Variants in FHIT observed in about 807,000 individuals in gnomAD.
FHIT encodes the protein fragile histidine triad diadenosine triphosphatase.
Under a neutral mutation model 17.9 loss-of-function variants are expected in FHIT, and 19 were observed. The observed-to-expected ratio is 1.06, with a 90% CI of 0.74 to 1.56. The LOEUF (loss-of-function observed/expected upper bound fraction) is 1.56. Ranked by LOEUF, FHIT falls within the 40% of genes most tolerant of loss-of-function variation. FHIT has a pLI of 0.00. For synonymous variants in FHIT, 81 were observed against 69.7 expected, an observed-to-expected ratio of 1.16 and a Z score of -0.81; for missense variants, 248 against 189.2, an observed-to-expected ratio of 1.31 and a Z score of -1.82.
intron 4 of FHIT, among the ~76,000 whole-genome samples, chr3:60,679,267 T>G (rs1337484755): frequency 2.0e-5 from 3 of 152,112 alleles, no homozygotes; most frequent in Non-Finnish European, 4.4e-5. Context: ...CAAAACAACT[T>G]CAATCCTTAA....
intron 5 of FHIT, among the ~76,000 whole-genome samples, chr3:60,160,081 G>C (rs1399364698): frequency 1.3e-5 from 2 of 152,066 alleles, no homozygotes; most frequent in African/African-American, 4.8e-5. Context: ...AGTCTGTGCT[G>C]CATGACTCAA....
chr3:60,185,643 T>C (rs1298641107), intron 5 of FHIT, among the ~76,000 whole-genome samples: 1 of 152,216 alleles, frequency 6.6e-6, no homozygotes, highest in African/African-American at 2.4e-5. Context: ...CCTAGGTATA[T>C]GACTGCTGGA....
intron 5 of FHIT, among the ~76,000 whole-genome samples, chr3:60,117,410 T>G (rs1039480248): frequency 6.6e-6 from 1 of 151,672 alleles, no homozygotes; most frequent in African/African-American, 2.4e-5. Flanking sequence ...TTTTTTATTT[T>G]TATTACAGCT....
chr3:60,061,214 A>G (rs1032994839), intron 5 of FHIT, among the ~76,000 whole-genome samples: 1 of 152,232 alleles, frequency 6.6e-6, no homozygotes, highest in Non-Finnish European at 1.5e-5. Flanking sequence ...GGTTTAAGAG[A>G]GCAGATCCAT....
intron 5 of FHIT, among the ~76,000 whole-genome samples, chr3:60,338,339 A>G (rs1301238727): frequency 6.6e-6 from 1 of 152,176 alleles, no homozygotes; most frequent in African/African-American, 2.4e-5. Flanking sequence ...CCTGTAAATC[A>G]TCTAATTATT....
intron 1 of FHIT, among the ~76,000 whole-genome samples, chr3:61,235,109 T>C (rs1208693963): frequency 6.6e-6 from 1 of 152,222 alleles, no homozygotes; most frequent in Non-Finnish European, 1.5e-5. Context: ...AAGCAATTCC[T>C]TTTATATCCT....
rs376931488 is a variant in FHIT at position 61,190,723 on chromosome 3, T to C, written c.-164+9894A>G. 2.5e-4 allele frequency among the ~76,000 whole-genome samples: 38 copies of C among 152,154 alleles called. 1 individual carries two copies. The South Asian group carries it at 5.0e-3, about 20-fold the overall frequency. On this transcript the variant is annotated intron_variant, in intron 2 of 9. Transcript: ENST00000492590. ...TTGACTGGATTAAGAAAATGTGGCATATATACACCATGGAATACTATGCAG... is the reference window on the plus strand; with the variant it reads ...TTGACTGGATTAAGAAAATGTGGCACATATACACCATGGAATACTATGCAG...
chr3:61,215,532 G>A (rs937637896), intron 1 of FHIT, among the ~76,000 whole-genome samples: 5 of 152,114 alleles, frequency 3.3e-5, no homozygotes, highest in African/African-American at 1.2e-4. Flanking sequence ...ATGCTCATGG[G>A]TAGGAAGAAT....
chr3:60,489,741 G>C (rs2033985751), intron 5 of FHIT, among the ~76,000 whole-genome samples: 1 of 152,186 alleles, frequency 6.6e-6, no homozygotes, highest in Admixed American at 6.5e-5. Context: ...TCTCTGCCTA[G>C]GTTTCATTAG....
At chr3:60,253,741 T>C (rs1245445874) in intron 5 of FHIT, among the ~76,000 whole-genome samples, 2 of 152,180 alleles carry the variant, frequency 1.3e-5, no homozygotes, top group Non-Finnish European at 2.9e-5. Flanking sequence ...TAATCCACCT[T>C]CTTATCAGCC....
chr3:60,324,078 A>C (rs548372667), intron 5 of FHIT, among the ~76,000 whole-genome samples: 1 of 152,298 alleles, frequency 6.6e-6, no homozygotes, highest in Admixed American at 6.5e-5. Flanking sequence ...GCTGATAAGA[A>C]ACAGCTGGTT....
intron 8 of FHIT, among the ~76,000 whole-genome samples, chr3:59,764,134 C>G (rs1436246462): frequency 6.6e-6 from 1 of 152,148 alleles, no homozygotes; most frequent in African/African-American, 2.4e-5. Flanking sequence ...TCTCACACAC[C>G]CTAACATCAG....
intron 7 of FHIT, among the ~76,000 whole-genome samples, chr3:59,982,346 T>C (rs750675928): frequency 1.8e-4 from 27 of 152,156 alleles, no homozygotes; most frequent in Admixed American, 5.2e-4. Context: ...ACTTTTGAGA[T>C]TCCAGTGTCA....
chr3:60,558,518 C>A (rs1338480034), intron 4 of FHIT, among the ~76,000 whole-genome samples: 1 of 152,000 alleles, frequency 6.6e-6, no homozygotes, highest in Non-Finnish European at 1.5e-5. Context: ...TCAGCATGGT[C>A]TTTGGAGTTC....
intron 5 of FHIT, among the ~76,000 whole-genome samples, chr3:60,506,785 C>A (rs2034749592): frequency 6.6e-6 from 1 of 151,128 alleles, no homozygotes; most frequent in African/African-American, 2.5e-5. Context: ...AGACCCAAAG[C>A]CAGCTGAGCC....
At chr3:60,400,416 C>T (rs1052636648) in intron 5 of FHIT, among the ~76,000 whole-genome samples, 1 of 152,140 alleles carries the variant, frequency 6.6e-6, no homozygotes, top group Non-Finnish European at 1.5e-5. Context: ...AGACTTTCCA[C>T]TGGAAATGGA....
chr3:59,909,115 A>T (rs1000261769), intron 8 of FHIT, among the ~76,000 whole-genome samples: 1 of 149,720 alleles, frequency 6.7e-6, no homozygotes, highest in Non-Finnish European at 1.5e-5. Context: ...CTCAGTGCAA[A>T]CTCCACCTGC....
intron 4 of FHIT, among the ~76,000 whole-genome samples, chr3:60,693,734 C>T (rs781936036): frequency 1.3e-5 from 2 of 152,186 alleles, no homozygotes; most frequent in East Asian, 1.9e-4. Flanking sequence ...CAGATAAAGG[C>T]CCAAAGTACA....
At chr3:60,322,042 T>C (rs1350729660) in intron 5 of FHIT, among the ~76,000 whole-genome samples, 5 of 152,236 alleles carry the variant, frequency 3.3e-5, no homozygotes, top group Non-Finnish European at 5.9e-5. Flanking sequence ...TATTCATCCA[T>C]GCTTCTCAAC....
Sources: allele counts gnomAD v4.1 joint callset (sites outside exome capture counted in the v4.1 genomes callset), GRCh38; gene constraint gnomAD v4.1.1; transcripts MANE v1.5; gene names NCBI Gene and HGNC (gene_info 2026-07-23, HGNC 2026-07-21).